Variants in AZI2 observed in about 807,000 individuals in gnomAD.
The protein encoded by AZI2 is 5-azacytidine induced 2, also known as 5-azacytidine-induced protein 2.
Under a neutral mutation model 45.8 loss-of-function variants are expected in AZI2, and 22 were observed. The ratio of observed to expected loss-of-function variants is 0.48; its 90% CI spans 0.34 to 0.69. AZI2 has a LOEUF of 0.69. Among genes scored for constraint, AZI2 ranks in the 30% least tolerant of loss-of-function variants. The pLI is 0.01. For missense variants in AZI2, 417 were observed against 441.5 expected (o/e 0.94, Z 0.50); for synonymous variants, 137 against 156.7 (o/e 0.87, Z 0.94).
chr3:28,344,834 T>A (rs1704163727), intron 1 of AZI2, among the ~76,000 whole-genome samples: 1 of 152,128 alleles, frequency 6.6e-6, no homozygotes, highest in South Asian at 2.1e-4. Context: ...TATCAAAAAT[T>A]AAAATTACCA....
At chr3:28,328,944 T>C (rs1285778651) in intron 6 of AZI2, among the ~76,000 whole-genome samples, 2 of 151,206 alleles carry the variant, frequency 1.3e-5, no homozygotes, top group African/African-American at 4.8e-5. Context: ...CAATTAAACC[T>C]CTTATCTAGG....
intron 1 of AZI2, among the ~76,000 whole-genome samples, chr3:28,344,126 G>C (rs1704135502): frequency 6.6e-6 from 1 of 151,926 alleles, no homozygotes; most frequent in South Asian, 2.1e-4. Flanking sequence ...AGTTATGTAA[G>C]AAATAGCCAT....
chr3:28,322,021 G>A lies in AZI2; in HGVS notation c.*2021C>T, dbSNP rs1189746542. 2 of 151,284 alleles carry A rather than the reference G, an allele frequency of 1.3e-5. No individual in the cohort carries two copies. The highest frequency in any genetic ancestry group is 3.0e-5 in the Non-Finnish European group (2 of 67,478). 9.4% of individuals were successfully genotyped at this position (151,284 alleles called of 1,614,324 possible). A position where few individuals can be genotyped will look rare whatever the true frequency, so the allele number is the denominator to read the frequency against. ...ATTTTAAATAGATTCATAAGCTACA[G>A]ATGGGCCACTGTTTTTTGGTTGTTT... is the stretch of plus-strand genomic sequence containing the variant. On this transcript the variant is annotated 3_prime_UTR_variant, in exon 8 of 8. Coordinates refer to ENST00000479665, the MANE Select transcript of AZI2 (RefSeq NM_022461.5).
intron 1 of AZI2, among the ~76,000 whole-genome samples, chr3:28,343,782 T>C (rs2125669045): frequency 6.6e-6 from 1 of 152,088 alleles, no homozygotes; most frequent in Middle Eastern, 3.4e-3. Context: ...ATGAATCTTT[T>C]ACAAAATCTT....
chr3:28,324,056 G>A lies in AZI2; in HGVS notation c.1165C>T (p.Leu389Phe). 1 of 1,607,344 alleles carries A rather than the reference G, an allele frequency of 6.2e-7. No individual in the cohort carries two copies. Among genetic ancestry groups the A allele is most frequent in the African/African-American group, 1.3e-5 (1 of 74,538 alleles). The change falls in exon 8 of 8, where the codon CTT (leucine) becomes TTT (phenylalanine). Residue 389 changes from leucine (L) to phenylalanine (F), a missense_variant. Coordinates refer to ENST00000479665, the MANE Select transcript of AZI2 (RefSeq NM_022461.5). Reference sequence around the variant, plus strand: ...TCTCTTCCAAATTAATTCTTATAAAGGCAGTTCTGATTATGTTGATCCAAG... The same window carrying A: ...TCTCTTCCAAATTAATTCTTATAAAAGCAGTTCTGATTATGTTGATCCAAG... ...HYLDQHNQNC[L>F]YKN
At chr3:28,337,603 G>C (rs1028231784) in intron 4 of AZI2, among the ~76,000 whole-genome samples, 5 of 152,284 alleles carry the variant, frequency 3.3e-5, no homozygotes, top group African/African-American at 9.6e-5. Flanking sequence ...AAGATGTTCA[G>C]TAAGAAAGAG....
At position 28,324,097 on chromosome 3, in the gene AZI2, A is replaced by C; in HGVS notation, c.1124T>G (p.Leu375Arg). ...TKTKTLPLPN[L>R]PPLHYLDQHN... Reference sequence around the variant, plus strand: ...TTGATCCAAGTAATGCAGTGGTGGAAGGTTGGGTAAAGGCAAAGTTTTAGT... The same window carrying C: ...TTGATCCAAGTAATGCAGTGGTGGACGGTTGGGTAAAGGCAAAGTTTTAGT... Residue 375 changes from leucine (L) to arginine (R), a missense_variant, in exon 8 of 8, where the codon CTT becomes CGT. Physicochemically the swap from Leu to Arg is moderately radical, Grantham distance 102. Coordinates refer to ENST00000479665, the MANE Select transcript of AZI2 (RefSeq NM_022461.5). 6.2e-7 allele frequency: 1 copy of C among 1,610,170 alleles called. No homozygotes were observed. The highest frequency in any genetic ancestry group is 2.2e-5 in the East Asian group (1 of 44,774).
At chr3:28,341,513 T>A (rs1395977743) in intron 1 of AZI2, 3 of 152,064 alleles carry the variant, frequency 2.0e-5, no homozygotes, top group Non-Finnish European at 1.5e-5. Context: ...GCTCGTTACC[T>A]TCATTGTTTA....
In AZI2 at chr3:28,326,960, AT is replaced by A; in HGVS notation, c.648-11del. The A allele has an allele frequency of 6.3e-7, 1 of 1,580,788 alleles. No homozygotes were observed. The stretch of plus-strand genomic sequence containing the variant: ...ATGCTGCATATTATCACTGAAATAA[AT>A]TTTTTTACAAAAAGTTAATACTCAT... On this transcript the variant is annotated splice_polypyrimidine_tract_variant and intron_variant, in intron 6 of 7. Coordinates refer to ENST00000479665, the MANE Select transcript of AZI2 (RefSeq NM_022461.5).
rs116522322 is a variant in AZI2, at chr3:28,327,984, T to C, written c.648-1034A>G. On this transcript the variant is annotated intron_variant, in intron 6 of 7. Coordinates refer to ENST00000479665, the MANE Select transcript of AZI2 (RefSeq NM_022461.5). Reference sequence around the variant, plus strand: ...ACACTTAAACTTCAAAAGGATAACATTTTTGAAATCTAATATCTCAAATTA... The same window carrying C: ...ACACTTAAACTTCAAAAGGATAACACTTTTGAAATCTAATATCTCAAATTA... Among the ~76,000 whole-genome samples the C allele has an allele frequency of 4.5e-3, 684 of 150,438 alleles. 11 individuals are homozygous for C. The highest frequency in any genetic ancestry group is 0.041 in the East Asian group (212 of 5,142).
At chr3:28,345,402 G>C (rs551258253) in intron 1 of AZI2, among the ~76,000 whole-genome samples, 1 of 152,146 alleles carries the variant, frequency 6.6e-6, no homozygotes, top group Admixed American at 6.5e-5. Context: ...TCACAATATA[G>C]TGGGGTGTTA....
At chr3:28,345,276 A>G (rs1447961592) in intron 1 of AZI2, among the ~76,000 whole-genome samples, 1 of 152,158 alleles carries the variant, frequency 6.6e-6, no homozygotes, top group Non-Finnish European at 1.5e-5. Flanking sequence ...CAGAATTCCA[A>G]TTCTTAGTAT....
intron 7 of AZI2, chr3:28,324,662 T>C (rs1559454887): frequency 9.7e-6 from 4 of 413,192 alleles, no homozygotes; most frequent in Non-Finnish European, 1.3e-5. Context: ...ACTTTAGATA[T>C]TTGTCTCTTA....
intron 4 of AZI2, 98 bp from the exon 5 acceptor site, chr3:28,336,983 A>G: frequency 8.4e-7 from 1 of 1,192,408 alleles, no homozygotes; most frequent in Non-Finnish European, 1.2e-6. Context: ...GATAATAGAA[A>G]AACTAACATA....
Position 28,331,980 on chromosome 3 carries a change from A to G in AZI2, c.647+389T>C. 2.9e-6 allele frequency: 4 copies of G among 1,393,402 alleles called. No individual in the cohort carries two copies. The South Asian group carries it at 5.0e-5, about 17-fold the overall frequency. The allele number at this position is 1,393,402 out of a possible 1,614,324, so 86.3% of individuals were successfully genotyped here. ...CTCAAAAAACAAAAAACAAAAAAAAATAAATTTCATGCTATCCCAAAGACT... is the reference window on the plus strand; with the variant it reads ...CTCAAAAAACAAAAAACAAAAAAAAGTAAATTTCATGCTATCCCAAAGACT... On this transcript the variant is annotated intron_variant, in intron 6 of 7. Coordinates refer to ENST00000479665, the MANE Select transcript of AZI2 (RefSeq NM_022461.5).
In AZI2 at chr3:28,343,772, A is replaced by G. The variant is rs116003417; in HGVS notation, c.-5-3150T>C. 7.6e-3 allele frequency among the ~76,000 whole-genome samples: 1,160 copies of G among 152,090 alleles called. 15 individuals are homozygous for G. Among genetic ancestry groups the G allele is most frequent in the African/African-American group, 0.026 (1,069 of 41,518 alleles). ...AGCTATTAATATTTTCCCCTCTCCA[A>G]TGAATCTTTTACAAAATCTTACACT... On this transcript the variant is annotated intron_variant, in intron 1 of 7. Transcript: ENST00000479665.
rs1703230924 is a variant in AZI2 at position 28,322,879 on chromosome 3, TAA to T, written c.*1161_*1162del. The T allele has an allele frequency of 6.6e-6, 1 of 151,166 alleles. No individual in the cohort carries two copies. Among genetic ancestry groups the T allele is most frequent in the African/African-American group, 2.4e-5 (1 of 41,308 alleles). 9.4% of individuals were successfully genotyped at this position (151,166 alleles called of 1,614,324 possible). A position where few individuals can be genotyped will look rare whatever the true frequency, so the allele number is the denominator to read the frequency against. On this transcript the variant is annotated 3_prime_UTR_variant, in exon 8 of 8. Transcript: ENST00000479665. ...ATATGAAACTGTCTATCAAAAAGGATAAAAGTCCTCCTACATGAAATACTTTA... is the reference window on the plus strand; with the variant it reads ...ATATGAAACTGTCTATCAAAAAGGATAAGTCCTCCTACATGAAATACTTTA...
At chr3:28,341,511 C>T (rs1012097754) in intron 1 of AZI2, 1 of 152,030 alleles carries the variant, frequency 6.6e-6, no homozygotes, top group African/African-American at 2.4e-5. Flanking sequence ...GAGCTCGTTA[C>T]CTTCATTGTT....
intron 2 of AZI2, among the ~76,000 whole-genome samples, chr3:28,340,166 A>G (rs1170094640): frequency 6.6e-6 from 1 of 152,000 alleles, no homozygotes; most frequent in Non-Finnish European, 1.5e-5. Flanking sequence ...AAAATGAAAG[A>G]AAAATATTTG....
Sources: gnomAD v4.1 joint callset for allele counts (sites outside exome capture counted in the v4.1 genomes callset) on GRCh38, gnomAD v4.1.1 for gene constraint, MANE v1.5 for transcripts, NCBI Gene and HGNC (gene_info 2026-07-23, HGNC 2026-07-21) for gene names.